Variants in CFAP299 observed in about 807,000 individuals in gnomAD.
The protein encoded by CFAP299 is cilia- and flagella-associated protein 299.
A neutral mutation model predicts 27.0 loss-of-function variants in CFAP299; 21 were observed. The ratio of observed to expected loss-of-function variants is 0.78; its 90% CI spans 0.55 to 1.12. The LOEUF is 1.12. Ranked by LOEUF, CFAP299 falls within the 50% of genes most tolerant of loss-of-function variation. The pLI is 0.00. For missense variants in CFAP299, 310 were observed against 276.6 expected, an observed-to-expected ratio of 1.12 and a Z score of -0.86; for synonymous variants, 104 against 98.1, an observed-to-expected ratio of 1.06 and a Z score of -0.36.
rs567540560 is a variant in CFAP299, at chr4:80,858,294, C to G, written c.334-11699C>G. On this transcript the variant is annotated intron_variant, in intron 3 of 5. Transcript: ENST00000358105. ...TTTATTGTGTCTATTTGATTCTTCT[C>G]TCTTTTTTTCTTTATTAGTCTTGCT... 5.9e-3 allele frequency among the ~76,000 whole-genome samples: 889 copies of G among 151,852 alleles called. 7 individuals are homozygous for G. The highest frequency in any genetic ancestry group is 0.02 in the African/African-American group (829 of 41,432).
intron 2 of CFAP299, among the ~76,000 whole-genome samples, chr4:80,556,447 G>A (rs1243217171): frequency 6.6e-6 from 1 of 151,894 alleles, no homozygotes; most frequent in East Asian, 1.9e-4. Flanking sequence ...ATATTAAGAC[G>A]TGTAAGAACT....
intron 3 of CFAP299, among the ~76,000 whole-genome samples, chr4:80,805,361 A>G (rs1314175335): frequency 6.6e-6 from 1 of 152,178 alleles, no homozygotes; most frequent in Non-Finnish European, 1.5e-5. Context: ...ACTTCAGAGG[A>G]AAGTGAAATA....
At chr4:80,639,229 G>T (rs192557674) in intron 3 of CFAP299, among the ~76,000 whole-genome samples, 1 of 152,128 alleles carries the variant, frequency 6.6e-6, no homozygotes, top group African/African-American at 2.4e-5. Flanking sequence ...CAAGAAAGAC[G>T]TATGTAAAAC....
At chr4:80,664,958 G>T (rs984936433) in intron 3 of CFAP299, among the ~76,000 whole-genome samples, 1 of 152,092 alleles carries the variant, frequency 6.6e-6, no homozygotes, top group Non-Finnish European at 1.5e-5. Context: ...ATGGTCCCTC[G>T]CAGCTTCCTT....
At chr4:80,605,015 G>A (rs1357740921) in intron 3 of CFAP299, among the ~76,000 whole-genome samples, 1 of 152,012 alleles carries the variant, frequency 6.6e-6, no homozygotes, top group Admixed American at 6.6e-5. Flanking sequence ...ATTTTACATT[G>A]GCAAGATGAT....
chr4:80,438,269 T>C (rs1728189001), intron 2 of CFAP299, among the ~76,000 whole-genome samples: 3 of 152,128 alleles, frequency 2.0e-5, no homozygotes, highest in Non-Finnish European at 4.4e-5. Context: ...ATGAGGCTGT[T>C]TGGTGCAGGT....
At chr4:80,511,259 A>G (rs1023509017) in intron 2 of CFAP299, among the ~76,000 whole-genome samples, 10 of 152,172 alleles carry the variant, frequency 6.6e-5, no homozygotes, top group South Asian at 4.1e-4. Context: ...AACTAAGTAT[A>G]TATGAAAAGA....
At chr4:80,442,034 T>C (rs977085216) in intron 2 of CFAP299, among the ~76,000 whole-genome samples, 5 of 152,076 alleles carry the variant, frequency 3.3e-5, no homozygotes, top group Non-Finnish European at 7.4e-5. Context: ...GCACCCAATA[T>C]AGGAGCACAC....
At chr4:80,369,466 C>G (rs1244414763) in intron 2 of CFAP299, among the ~76,000 whole-genome samples, 2 of 152,186 alleles carry the variant, frequency 1.3e-5, no homozygotes, top group African/African-American at 4.8e-5. Context: ...CACAAATGCC[C>G]TGAGGCCCTT....
intron 2 of CFAP299, among the ~76,000 whole-genome samples, chr4:80,496,988 C>G (rs1208517280): frequency 2.6e-5 from 4 of 152,130 alleles, no homozygotes; most frequent in Admixed American, 2.6e-4. Context: ...AAGACAGCAC[C>G]AAAGGCTATG....
At chr4:80,450,048 A>G (rs1030286518) in intron 2 of CFAP299, among the ~76,000 whole-genome samples, 17 of 152,110 alleles carry the variant, frequency 1.1e-4, no homozygotes, top group South Asian at 2.1e-4. Flanking sequence ...AAGGCAGTGG[A>G]GCAAAGTAAT....
intron 3 of CFAP299, among the ~76,000 whole-genome samples, chr4:80,773,556 C>T (rs1726346016): frequency 6.6e-6 from 1 of 151,978 alleles, no homozygotes; most frequent in African/African-American, 2.4e-5. Flanking sequence ...GATGATAACC[C>T]CACTTTTCTT....
At chr4:80,335,579 G>A, upstream of CFAP299, 1 of 593,944 alleles carries the variant, frequency 1.7e-6, no homozygotes, top group East Asian at 3.0e-5. Flanking sequence ...CTGAACTTGG[G>A]TGGGTAATTC....
chr4:80,720,048 G>A (rs1722723688), intron 3 of CFAP299, among the ~76,000 whole-genome samples: 1 of 152,126 alleles, frequency 6.6e-6, no homozygotes, highest in Non-Finnish European at 1.5e-5. Context: ...CAGTGAGGAT[G>A]GAGGAAACCA....
At chr4:80,370,213 G>T (rs1332723372) in intron 2 of CFAP299, among the ~76,000 whole-genome samples, 1 of 152,088 alleles carries the variant, frequency 6.6e-6, no homozygotes, top group Admixed American at 6.5e-5. Context: ...ATTCACTATT[G>T]CAAGGAGAGT....
intron 3 of CFAP299, among the ~76,000 whole-genome samples, chr4:80,736,222 G>A (rs1057370925): frequency 2.6e-5 from 4 of 152,084 alleles, no homozygotes; most frequent in Admixed American, 6.6e-5. Context: ...TAGGTCGAAC[G>A]TTTAAGTCTT....
intron 2 of CFAP299, among the ~76,000 whole-genome samples, chr4:80,528,584 A>G (rs186559777): frequency 6.6e-6 from 1 of 152,296 alleles, no homozygotes; most frequent in Non-Finnish European, 1.5e-5. Flanking sequence ...TTATATTGAA[A>G]TGCTCATTAC....
intron 4 of CFAP299, among the ~76,000 whole-genome samples, chr4:80,940,499 AC>A (rs1737138671): frequency 6.6e-6 from 1 of 152,030 alleles, no homozygotes; most frequent in South Asian, 2.1e-4. Context: ...TTATCCTCAA[AC>A]TTTTTTTCCA....
intron 2 of CFAP299, among the ~76,000 whole-genome samples, chr4:80,545,420 A>G (rs538399598): frequency 1.3e-5 from 2 of 152,034 alleles, no homozygotes; most frequent in African/African-American, 4.8e-5. Flanking sequence ...AAGTTGGTTT[A>G]TTACAAACCA....
Sources: allele counts gnomAD v4.1 joint callset (sites outside exome capture counted in the v4.1 genomes callset), GRCh38; gene constraint gnomAD v4.1.1; transcripts MANE v1.5; gene names NCBI Gene and HGNC (gene_info 2026-07-23, HGNC 2026-07-21).